Variants in MRPS27 observed in about 807,000 individuals in gnomAD.
MRPS27 encodes the protein small ribosomal subunit protein mS27.
MRPS27 carries 43 observed loss-of-function variants against 48.9 expected under a neutral mutation model. The observed-to-expected ratio is 0.88, with a 90% CI of 0.69 to 1.13. The LOEUF (loss-of-function observed/expected upper bound fraction) is 1.13, where lower values mean the gene tolerates loss of function less well. Ranked by LOEUF, MRPS27 falls within the 50% of genes most tolerant of loss-of-function variation. The pLI is 0.00. For missense variants in MRPS27, 467 were observed against 476.3 expected (o/e 0.98, Z 0.18); for synonymous variants, 188 against 171.9 (o/e 1.09, Z -0.73).
rs2111924253 is a variant in MRPS27 at position 72,220,844 on chromosome 5, T to C, written c.*65A>G. On this transcript the variant is annotated 3_prime_UTR_variant, in exon 11 of 11. Transcript: ENST00000261413. ...AAGCTGAGGCTGTTGTCCAGGCCACTGCTGAGTCCTGGCACGGGGTTGAGT... is the reference window on the plus strand; with the variant it reads ...AAGCTGAGGCTGTTGTCCAGGCCACCGCTGAGTCCTGGCACGGGGTTGAGT... 1 of 1,593,592 alleles carries C rather than the reference T, an allele frequency of 6.3e-7. No homozygotes were observed. The highest frequency in any genetic ancestry group is 8.5e-7 in the Non-Finnish European group (1 of 1,170,370).
rs1480699287 is a variant in MRPS27, at chr5:72,220,093, G to GA, written c.*815dup. 7 of 152,816 alleles carry GA rather than the reference G, an allele frequency of 4.6e-5. No individual in the cohort carries two copies. The highest frequency in any genetic ancestry group is 8.8e-5 in the Non-Finnish European group (6 of 68,160). The allele number at this position is 152,816 out of a possible 1,614,324, so 9.5% of individuals were successfully genotyped here. On this transcript the variant is annotated 3_prime_UTR_variant, in exon 11 of 11. Coordinates refer to ENST00000261413, the MANE Select transcript of MRPS27 (RefSeq NM_015084.3). Reference sequence around the variant, plus strand: ...AGATGTGGCAGAAAGGAGAATGTGGGAATGTGTGAGTATCCCACAGCCAGC... The same window carrying GA: ...AGATGTGGCAGAAAGGAGAATGTGGGAAATGTGTGAGTATCCCACAGCCAGC...
chr5:72,300,300 A>G (rs1242182882), intron 2 of MRPS27, among the ~76,000 whole-genome samples: 1 of 152,084 alleles, frequency 6.6e-6, no homozygotes, highest in African/African-American at 2.4e-5. Context: ...TAAACATTGG[A>G]GTGCCTCTAG....
chr5:72,295,080 T>C (rs1749941097), intron 4 of MRPS27, among the ~76,000 whole-genome samples: 1 of 152,044 alleles, frequency 6.6e-6, no homozygotes, highest in African/African-American at 2.4e-5. Flanking sequence ...TTTTCACCTA[T>C]CAGATTGGCA....
At chr5:72,311,555 C>T (rs555986571) in intron 2 of MRPS27, among the ~76,000 whole-genome samples, 5 of 152,202 alleles carry the variant, frequency 3.3e-5, no homozygotes, top group South Asian at 4.1e-4. Flanking sequence ...TGGGTTATCA[C>T]GGAAGTGGGA....
intron 4 of MRPS27, among the ~76,000 whole-genome samples, chr5:72,284,446 T>C (rs1001084455): frequency 6.7e-6 from 1 of 149,518 alleles, no homozygotes; most frequent in Non-Finnish European, 1.5e-5. Flanking sequence ...AAAAAAAAAA[T>C]TTGGTTAATT....
At chr5:72,293,438 C>G (rs1401694450) in intron 4 of MRPS27, among the ~76,000 whole-genome samples, 1 of 152,104 alleles carries the variant, frequency 6.6e-6, no homozygotes, top group Non-Finnish European at 1.5e-5. Context: ...AACAGTGGCT[C>G]AGATTTATGA....
rs1262893919 is a variant in MRPS27, at chr5:72,311,016, G to C, written c.151+3065C>G. 2.6e-5 allele frequency among the ~76,000 whole-genome samples: 4 copies of C among 152,246 alleles called. No homozygotes were observed. In the South Asian group the frequency reaches 8.3e-4, roughly 32 times the overall value. ...AATATTCTATTTAAAAAAAGAGATT[G>C]GGTTCTTTAAAAATATATAGGACAA... is the stretch of plus-strand genomic sequence containing the variant. On this transcript the variant is annotated intron_variant, in intron 2 of 10. Transcript: ENST00000261413.
chr5:72,250,827 G>A (rs938557842), intron 4 of MRPS27, among the ~76,000 whole-genome samples: 4 of 152,138 alleles, frequency 2.6e-5, no homozygotes, highest in Admixed American at 6.5e-5. Context: ...GTGCAGTGGC[G>A]AGATCACAGG....
At position 72,284,962 on chromosome 5, in the gene MRPS27, A is replaced by G. The variant is rs140618771; in HGVS notation, c.281+10569T>C. 1.6e-4 allele frequency among the ~76,000 whole-genome samples: 24 copies of G among 152,308 alleles called. No individual in the cohort carries two copies. In the East Asian group the frequency reaches 2.7e-3, roughly 17 times the overall value. ...TTTTTGGCATGAATATGAGTGTATC[A>G]GGAGGTTAAATTCCTAGAGGTGGAA... is the stretch of plus-strand genomic sequence containing the variant. On this transcript the variant is annotated intron_variant, in intron 4 of 10. Coordinates refer to ENST00000261413, the MANE Select transcript of MRPS27 (RefSeq NM_015084.3).
intron 4 of MRPS27, among the ~76,000 whole-genome samples, chr5:72,258,107 T>C (rs1476749537): frequency 5.2e-5 from 7 of 135,620 alleles, no homozygotes; most frequent in South Asian, 2.3e-4. Context: ...AAAAAAAGAA[T>C]TGGAGAATGA....
intron 9 of MRPS27, 101 bp downstream of exon 9, chr5:72,225,956 T>C (rs1285887272): frequency 5.8e-6 from 8 of 1,378,954 alleles, no homozygotes; most frequent in African/African-American, 4.3e-5. Context: ...TATAGACATA[T>C]AGAAAGTAGG....
At chr5:72,238,678 C>T (rs938983827) in intron 4 of MRPS27, among the ~76,000 whole-genome samples, 1 of 152,132 alleles carries the variant, frequency 6.6e-6, no homozygotes, top group African/African-American at 2.4e-5. Context: ...TCATGTCCTC[C>T]AAGATCCACA....
intron 4 of MRPS27, chr5:72,288,922 A>T (rs1749748259): frequency 6.6e-6 from 1 of 152,076 alleles, no homozygotes; most frequent in South Asian, 2.1e-4. Context: ...ATAAACTCCC[A>T]CCTTCCCCTT....
At chr5:72,307,712 G>A (rs1485730386) in intron 2 of MRPS27, among the ~76,000 whole-genome samples, 1 of 152,036 alleles carries the variant, frequency 6.6e-6, no homozygotes, top group Non-Finnish European at 1.5e-5. Context: ...TCAGGATACC[G>A]GTTACCTTTG....
chr5:72,270,229 TAATAA>T, intron 4 of MRPS27, among the ~76,000 whole-genome samples: 1 of 147,338 alleles, frequency 6.8e-6, no homozygotes, highest in African/African-American at 2.5e-5. Context: ...ATAATAATAA[TAATAA>T]TATTAAAATG....
At chr5:72,314,751 G>A (rs960788404) in intron 1 of MRPS27, 1 of 152,228 alleles carries the variant, frequency 6.6e-6, no homozygotes, top group Non-Finnish European at 1.5e-5. Flanking sequence ...GGAGCCACTT[G>A]TTGCTAGTAA....
rs1043880250 is a variant in MRPS27 at position 72,232,707 on chromosome 5, C to T, written c.476-149G>A. 17 of 588,836 alleles carry T rather than the reference C, an allele frequency of 2.9e-5. No individual in the cohort carries two copies. The Admixed American group carries it at 4.8e-4, about 17-fold the overall frequency. 36.5% of individuals were successfully genotyped at this position (588,836 alleles called of 1,614,324 possible). The stretch of plus-strand genomic sequence containing the variant: ...TAAAATATGCGGGCTTAGGCTCTGG[C>T]CCTAGTTCTTCCACAAACAAGGTTT... On this transcript the variant is annotated intron_variant, in intron 6 of 10. Coordinates refer to ENST00000261413, the MANE Select transcript of MRPS27 (RefSeq NM_015084.3).
At chr5:72,276,032 G>T (rs181337579) in intron 4 of MRPS27, among the ~76,000 whole-genome samples, 308 of 149,768 alleles carry the variant, frequency 2.1e-3, no homozygotes, top group East Asian at 0.011. Flanking sequence ...TGTGTGTGTG[G>T]GGGGGGTACT....
At chr5:72,238,630 CAG>C (rs1248340633) in intron 4 of MRPS27, among the ~76,000 whole-genome samples, 4 of 152,244 alleles carry the variant, frequency 2.6e-5, no homozygotes, top group African/African-American at 9.6e-5. Flanking sequence ...CAAAGGAAAA[CAG>C]AGGAAAAGAA....
Sources: gnomAD v4.1 joint callset for allele counts (sites outside exome capture counted in the v4.1 genomes callset) on GRCh38, gnomAD v4.1.1 for gene constraint, MANE v1.5 for transcripts, NCBI Gene and HGNC (gene_info 2026-07-23, HGNC 2026-07-21) for gene names.